PAICS: variants seen among roughly 807,000 people sequenced by gnomAD.
PAICS encodes the protein phosphoribosylaminoimidazole carboxylase and phosphoribosylaminoimidazolesuccinocarboxamide synthase.
In PAICS, 33 loss-of-function variants were observed where a neutral mutation model predicts 53.7. The ratio of observed to expected loss-of-function variants is 0.61; its 90% CI spans 0.47 to 0.82. The LOEUF is 0.82. PAICS is among the 40% of genes least tolerant of loss of function. The pLI, the probability that PAICS is intolerant of heterozygous loss-of-function variation, is 0.00. For synonymous variants in PAICS, 141 were observed against 167.2 expected (o/e 0.84, Z 1.21); for missense variants, 394 against 494.1 (o/e 0.80, Z 1.92).
the PAICS span, among the ~76,000 whole-genome samples, chr4:56,424,479 T>C: frequency 1.3e-5 from 2 of 152,318 alleles, no homozygotes; most frequent in East Asian, 1.9e-4. Flanking sequence ...CTAATGCCGA[T>C]AGATTATCAC....
chr4:56,435,664 C>A, upstream of PAICS: 2 of 1,438,510 alleles, frequency 1.4e-6, no homozygotes. Flanking sequence ...CAGCCCTGCT[C>A]CTCCCCCTCC....
intron 8 of PAICS, among the ~76,000 whole-genome samples, chr4:56,458,049 C>A (rs1719315604): frequency 6.6e-6 from 1 of 152,000 alleles, no homozygotes; most frequent in South Asian, 2.1e-4. Context: ...CAAATTTATG[C>A]CAGAGGAATT....
At chr4:56,452,178 C>G in intron 7 of PAICS, 126 bp downstream of exon 7, 1 of 633,016 alleles carries the variant, frequency 1.6e-6, no homozygotes, top group South Asian at 2.3e-5. Context: ...ACATGATATA[C>G]TAGGCTTTCT....
upstream of PAICS, chr4:56,435,626 G>A (rs572353430): frequency 1.3e-5 from 19 of 1,464,912 alleles, no homozygotes; most frequent in South Asian, 2.4e-4. Flanking sequence ...GCGGCGGCGC[G>A]CGCTGTCCCT....
rs1173027304 is a variant in PAICS, at chr4:56,461,125, T to C, written c.*1587T>C. The stretch of plus-strand genomic sequence containing the variant: ...TTAGCTAGTAGAGCTTTATGTTCGC[T>C]GTCCATGAAACCTTCTGTAACCACA... On this transcript the variant is annotated 3_prime_UTR_variant, in exon 9 of 9. Coordinates refer to ENST00000512576, the MANE Select transcript of PAICS (RefSeq NM_001079524.2). The C allele has an allele frequency of 6.6e-6, 1 of 152,242 alleles. No individual in the cohort carries two copies. The highest frequency in any genetic ancestry group is 2.4e-5 in the African/African-American group (1 of 41,462). The allele number at this position is 152,242 out of a possible 1,614,324, so 9.4% of individuals were successfully genotyped here.
chr4:56,451,538 A>C (rs1317860979), intron 6 of PAICS, among the ~76,000 whole-genome samples: 2 of 152,172 alleles, frequency 1.3e-5, no homozygotes, highest in Non-Finnish European at 2.9e-5. Flanking sequence ...CATACCTTAA[A>C]GCTTCCATTA....
intron 7 of PAICS, among the ~76,000 whole-genome samples, chr4:56,452,621 G>T (rs2110094491): frequency 6.6e-6 from 1 of 152,288 alleles, no homozygotes; most frequent in East Asian, 1.9e-4. Context: ...TCCTTACCTG[G>T]TAAGAAGCCC....
At chr4:56,434,022 C>T (rs1353037618), upstream of PAICS, among the ~76,000 whole-genome samples, 1 of 152,168 alleles carries the variant, frequency 6.6e-6, no homozygotes, top group Non-Finnish European at 1.5e-5. Context: ...ACTAATGTTG[C>T]TCACAACTAC....
upstream of PAICS, chr4:56,435,207 G>A (rs1332182701): frequency 3.2e-6 from 4 of 1,250,542 alleles, no homozygotes; most frequent in South Asian, 4.3e-5. Context: ...TAGGCAACCC[G>A]GTCGACGCCA....
At chr4:56,449,899 C>T (rs1005088335) in intron 5 of PAICS, among the ~76,000 whole-genome samples, 13 of 150,770 alleles carry the variant, frequency 8.6e-5, no homozygotes, top group African/African-American at 2.0e-4. Flanking sequence ...TGTTTGAACC[C>T]GGGAGGTGGA....
intron 6 of PAICS, among the ~76,000 whole-genome samples, chr4:56,451,656 A>T (rs1486362914): frequency 6.6e-6 from 1 of 152,198 alleles, no homozygotes; most frequent in African/African-American, 2.4e-5. Flanking sequence ...TTTGTCTGAT[A>T]AAAATTGAAT....
upstream of PAICS, chr4:56,435,571 G>A: frequency 1.9e-6 from 3 of 1,591,942 alleles, no homozygotes; most frequent in South Asian, 1.1e-5. Context: ...TCAGAAGCTC[G>A]CGCTCGCGAC....
intron 6 of PAICS, 46 bp downstream of exon 6, chr4:56,450,748 T>A: frequency 1.1e-6 from 1 of 916,804 alleles, no homozygotes; most frequent in Non-Finnish European, 1.7e-6. Flanking sequence ...GTTTTTCTTC[T>A]AAGAAAATCT....
At chr4:56,436,175 G>T (rs531885961), upstream of PAICS, 15 of 1,504,702 alleles carry the variant, frequency 1.0e-5, no homozygotes, top group African/African-American at 1.1e-4. Flanking sequence ...GGCGGCTGTA[G>T]CGGAGCTCGA....
chr4:56,416,787 C>T, the PAICS span, among the ~76,000 whole-genome samples: 2 of 152,114 alleles, frequency 1.3e-5, no homozygotes, highest in Admixed American at 1.3e-4. Context: ...AACATCAGAG[C>T]CACAACCAGG....
chr4:56,419,882 C>T, the PAICS span: 8 of 984,362 alleles, frequency 8.1e-6, no homozygotes, highest in East Asian at 1.1e-4. Flanking sequence ...AATACAAGAT[C>T]GTAAGAACAG....
chr4:56,435,230 G>A, upstream of PAICS: 1 of 1,446,284 alleles, frequency 6.9e-7, no homozygotes, highest in African/African-American at 1.4e-5. Flanking sequence ...GGCAGGTACT[G>A]GCTTAGGTCG....
At chr4:56,438,454 T>C (rs1402650938) in intron 1 of PAICS, among the ~76,000 whole-genome samples, 1 of 149,898 alleles carries the variant, frequency 6.7e-6, no homozygotes, top group Non-Finnish European at 1.5e-5. Context: ...GTTTTTGAAA[T>C]GGAGTCTCGC....
At chr4:56,414,877 G>A in the PAICS span, among the ~76,000 whole-genome samples, 250 of 152,084 alleles carry the variant, frequency 1.6e-3, 1 homozygote, top group African/African-American at 5.9e-3. Context: ...AACATTCCTC[G>A]ACAACATTTT....
Sources: gnomAD v4.1 joint callset for allele counts (sites outside exome capture counted in the v4.1 genomes callset) on GRCh38, gnomAD v4.1.1 for gene constraint, MANE v1.5 for transcripts, NCBI Gene and HGNC (gene_info 2026-07-23, HGNC 2026-07-21) for gene names.